Variants in ZSCAN4 observed in about 807,000 individuals in gnomAD.
ZSCAN4 encodes the protein zinc finger and SCAN domain containing 4.
Under a neutral mutation model 18.3 loss-of-function variants are expected in ZSCAN4, and 18 were observed. That is an observed-to-expected ratio of 0.98 (90% CI 0.68 to 1.46). The LOEUF is 1.46. Among genes scored for constraint, ZSCAN4 ranks in the 40% most tolerant of loss-of-function variants. The probability of loss-of-function intolerance (pLI) is 0.00; values close to 1 mark genes in which losing one functional copy is unlikely to be tolerated. For missense variants in ZSCAN4, 498 were observed against 511.4 expected, an observed-to-expected ratio of 0.97 and a Z score of 0.25; for synonymous variants, 193 against 180.3, an observed-to-expected ratio of 1.07 and a Z score of -0.57.
At chr19:57,662,040 C>T in the ZSCAN4 span, among the ~76,000 whole-genome samples, 2 of 145,808 alleles carry the variant, frequency 1.4e-5, no homozygotes, top group African/African-American at 5.1e-5. Flanking sequence ...GAGATTGCAC[C>T]ACTACACTCC....
chr19:57,669,040 GTTTGT>G (rs958139677), exon 1 of ZSCAN4: 1 of 143,684 alleles, frequency 7.0e-6, no homozygotes, highest in African/African-American at 2.6e-5. Context: ...TGAGACTAAC[GTTTGT>G]CTTTATATTT....
In ZSCAN4 at chr19:57,671,829, C is replaced by T. The variant is rs566798657; in HGVS notation, c.-106+1262C>T. 1.4e-3 allele frequency among the ~76,000 whole-genome samples: 219 copies of T among 152,282 alleles called. 2 individuals carry two copies. Among genetic ancestry groups the T allele is most frequent in the Middle Eastern group, 0.01 (3 of 294 alleles). On this transcript the variant is annotated intron_variant, in intron 2 of 4. Coordinates refer to ENST00000318203, the Ensembl canonical transcript of ZSCAN4. The stretch of plus-strand genomic sequence containing the variant: ...ATGCGATCAGGGTAGCAGATCTGGT[C>T]TAATCAGACCAGATGAGATTAACAC...
chr19:57,661,819 C>T, the ZSCAN4 span, among the ~76,000 whole-genome samples: 2 of 152,148 alleles, frequency 1.3e-5, no homozygotes, highest in South Asian at 2.1e-4. Flanking sequence ...CGGTGGCTCA[C>T]GCCTGTAACC....
the ZSCAN4 span, among the ~76,000 whole-genome samples, chr19:57,662,358 AG>A: frequency 6.6e-6 from 1 of 152,084 alleles, no homozygotes; most frequent in East Asian, 1.9e-4. Flanking sequence ...TATTAACAAT[AG>A]TAAAGTGATT....
exon 5 of ZSCAN4, chr19:57,679,001 T>C: frequency 1.5e-6 from 2 of 1,334,526 alleles, no homozygotes; most frequent in Non-Finnish European, 2.0e-6. Flanking sequence ...CTCCTGATTA[T>C]GCTTTCAATT....
intron 3 of ZSCAN4, among the ~76,000 whole-genome samples, chr19:57,677,135 T>A (rs1187625025): frequency 6.6e-6 from 1 of 152,214 alleles, no homozygotes; most frequent in Non-Finnish European, 1.5e-5. Flanking sequence ...AGCTTGTTCT[T>A]CTGTCAGGGA....
chr19:57,676,040 G>T lies in ZSCAN4; in HGVS notation c.-105-1G>T. 2.7e-6 allele frequency: 3 copies of T among 1,123,986 alleles called. No homozygotes were observed. Among genetic ancestry groups the T allele is most frequent in the Non-Finnish European group, 3.7e-6 (3 of 805,700 alleles). The allele number at this position is 1,123,986 out of a possible 1,614,324, so 69.6% of individuals were successfully genotyped here. On this transcript the variant is annotated splice_acceptor_variant, in intron 2 of 4. Coordinates refer to ENST00000318203, the Ensembl canonical transcript of ZSCAN4. LOFTEE classifies it low-confidence loss of function (5UTR_SPLICE). Reference sequence around the variant, plus strand: ...ATTACTCATCTCTTTTCTATTTCTAGCTTGCAGTTTTAAAGAATCCACCAA... The same window carrying T: ...ATTACTCATCTCTTTTCTATTTCTATCTTGCAGTTTTAAAGAATCCACCAA...
the ZSCAN4 span, among the ~76,000 whole-genome samples, chr19:57,662,276 A>G: frequency 6.6e-6 from 1 of 152,064 alleles, no homozygotes; most frequent in Non-Finnish European, 1.5e-5. Flanking sequence ...ATGTGAGCCA[A>G]ACATTTTATG....
chr19:57,657,450 A>G, the ZSCAN4 span, among the ~76,000 whole-genome samples: 1 of 152,232 alleles, frequency 6.6e-6, no homozygotes, highest in Non-Finnish European at 1.5e-5. Flanking sequence ...CATTTTGATG[A>G]GTAACATTAA....
Position 57,677,978 on chromosome 19 carries a change from T to C in ZSCAN4, c.461T>C (p.Ile154Thr), listed in dbSNP as rs545052223. 7.5e-6 allele frequency: 12 copies of C among 1,601,452 alleles called. No individual in the cohort carries two copies. The African/African-American group carries it at 1.5e-4, about 20-fold the overall frequency. ...GAGGATATGCCCTTAAGAGATGTCATTGTTCATCTCACAAAACAAGTGAAT... is the reference window on the plus strand; with the variant it reads ...GAGGATATGCCCTTAAGAGATGTCACTGTTCATCTCACAAAACAAGTGAAT... Residue 154 changes from isoleucine (I) to threonine (T), a missense_variant, in exon 4 of 5, where the codon ATT becomes ACT. Physicochemically the swap from Ile to Thr is moderately conservative, Grantham distance 89. Coordinates refer to ENST00000318203, the Ensembl canonical transcript of ZSCAN4.
exon 5 of ZSCAN4, chr19:57,678,243 A>C (rs756051384): frequency 3.1e-6 from 5 of 1,614,196 alleles, no homozygotes; most frequent in Non-Finnish European, 4.2e-6. Flanking sequence ...TAATCAAGGC[A>C]ATCAAATAGT....
chr19:57,659,552 C>T, the ZSCAN4 span, among the ~76,000 whole-genome samples: 52 of 152,304 alleles, frequency 3.4e-4, no homozygotes, highest in African/African-American at 1.2e-3. Context: ...GGAGCCGCTG[C>T]ACCTGGTCTC....
At chr19:57,665,984 T>A (rs1156243926), upstream of ZSCAN4, among the ~76,000 whole-genome samples, 2 of 152,202 alleles carry the variant, frequency 1.3e-5, no homozygotes, top group Non-Finnish European at 2.9e-5. Flanking sequence ...CTTAGGACAA[T>A]TTTTTAATTT....
chr19:57,661,382 C>A, the ZSCAN4 span, among the ~76,000 whole-genome samples: 3 of 152,206 alleles, frequency 2.0e-5, no homozygotes, highest in Admixed American at 2.0e-4. Flanking sequence ...TGAGTAAATT[C>A]TTTCTCCATA....
At chr19:57,673,610 T>C (rs1477265981) in intron 2 of ZSCAN4, among the ~76,000 whole-genome samples, 1 of 152,134 alleles carries the variant, frequency 6.6e-6, no homozygotes, top group East Asian at 1.9e-4. Flanking sequence ...CTAGCCTGTC[T>C]GACAGACGGA....
At chr19:57,672,074 A>C (rs1277066314) in intron 2 of ZSCAN4, among the ~76,000 whole-genome samples, 1 of 152,210 alleles carries the variant, frequency 6.6e-6, no homozygotes, top group Non-Finnish European at 1.5e-5. Flanking sequence ...TCAGGATTTC[A>C]AAGGGTGTGT....
At chr19:57,663,424 G>A in the ZSCAN4 span, among the ~76,000 whole-genome samples, 12 of 145,126 alleles carry the variant, frequency 8.3e-5, no homozygotes, top group South Asian at 1.8e-3. Flanking sequence ...AGTGGCTCAC[G>A]CCTGTAATCC....
At chr19:57,652,316 T>C in the ZSCAN4 span, among the ~76,000 whole-genome samples, 1 of 152,198 alleles carries the variant, frequency 6.6e-6, no homozygotes, top group East Asian at 1.9e-4. Flanking sequence ...AAACAGGACA[T>C]TGAACTTCCA....
intron 2 of ZSCAN4, among the ~76,000 whole-genome samples, chr19:57,675,592 C>G (rs887031558): frequency 1.3e-5 from 2 of 152,086 alleles, no homozygotes; most frequent in Non-Finnish European, 2.9e-5. Context: ...AAGGATATTT[C>G]CTAATAGTTC....
Sources: allele counts gnomAD v4.1 joint callset (sites outside exome capture counted in the v4.1 genomes callset), GRCh38; gene constraint gnomAD v4.1.1; transcripts MANE v1.5; gene names NCBI Gene and HGNC (gene_info 2026-07-23, HGNC 2026-07-21).